The following DOCK2 variants were observed in gnomAD, a reference collection of about 807,000 sequenced individuals.
The protein encoded by DOCK2 is dedicator of cytokinesis 2, also known as dedicator of cytokinesis protein 2.
DOCK2 carries 87 observed loss-of-function variants against 248.9 expected under a neutral mutation model. That is an observed-to-expected ratio of 0.35 (90% CI 0.29 to 0.42). The LOEUF is 0.42. Among genes scored for constraint, DOCK2 ranks in the 10% least tolerant of loss-of-function variants. DOCK2 has a pLI of 1.00. For synonymous variants in DOCK2, 805 were observed against 821.6 expected (o/e 0.98, Z 0.35); for missense variants, 1,747 against 2,300.2 (o/e 0.76, Z 4.92).
At chr5:169,797,894 G>A (rs1766750004) in intron 25 of DOCK2, among the ~76,000 whole-genome samples, 1 of 152,190 alleles carries the variant, frequency 6.6e-6, no homozygotes, top group South Asian at 2.1e-4. Context: ...AATTACAAAT[G>A]AGAAAAATTA....
intron 36 of DOCK2, among the ~76,000 whole-genome samples, chr5:170,036,851 A>G (rs997783010): frequency 6.6e-6 from 1 of 152,206 alleles, no homozygotes; most frequent in Admixed American, 6.5e-5. Flanking sequence ...GTGCATTTGC[A>G]TTGTTGCGGG....
At chr5:169,713,746 G>A (rs1319837792) in intron 17 of DOCK2, among the ~76,000 whole-genome samples, 1 of 152,184 alleles carries the variant, frequency 6.6e-6, no homozygotes, top group Non-Finnish European at 1.5e-5. Flanking sequence ...AAAATGTACT[G>A]TCTGGGAATT....
rs76088823 is a variant in DOCK2, at chr5:169,766,103, C to T, written c.2554+4478C>T. 5.1e-3 allele frequency among the ~76,000 whole-genome samples: 775 copies of T among 152,208 alleles called. 10 individuals are homozygous for T. Among genetic ancestry groups the T allele is most frequent in the African/African-American group, 0.018 (754 of 41,508 alleles). On this transcript the variant is annotated intron_variant, in intron 25 of 51. Transcript: ENST00000520908. ...ACTTTTATTTCAGGTTCATGAGGAACATGTGCAGGTTTGTTACATGAATTG... is the reference window on the plus strand; with the variant it reads ...ACTTTTATTTCAGGTTCATGAGGAATATGTGCAGGTTTGTTACATGAATTG...
chr5:169,637,301 G>A lies in DOCK2; in HGVS notation c.-26G>A, dbSNP rs1217923496. ...GCCACCCCCTGACGGCTTCCCCACG[G>A]GAGGACGCGAGGCCCCGGCCCAGCC... On this transcript the variant is annotated 5_prime_UTR_variant, in exon 1 of 52. Coordinates refer to ENST00000520908, the MANE Select transcript of DOCK2 (RefSeq NM_004946.3). 7.0e-7 allele frequency: 1 copy of A among 1,431,556 alleles called. No homozygotes were observed. Among genetic ancestry groups the A allele is most frequent in the Admixed American group, 2.9e-5 (1 of 34,804 alleles). 88.7% of individuals were successfully genotyped at this position (1,431,556 alleles called of 1,614,324 possible). A position where few individuals can be genotyped will look rare whatever the true frequency, so the allele number is the denominator to read the frequency against.
At chr5:169,978,400 G>GA (rs1777806871) in intron 27 of DOCK2, among the ~76,000 whole-genome samples, 1 of 139,772 alleles carries the variant, frequency 7.2e-6, no homozygotes, top group Non-Finnish European at 1.6e-5. Context: ...TGTGGGGGGG[G>GA]GGGGGTGTAG....
chr5:169,733,616 G>A (rs1762894878), intron 22 of DOCK2, among the ~76,000 whole-genome samples: 1 of 151,874 alleles, frequency 6.6e-6, no homozygotes, highest in Admixed American at 6.6e-5. Flanking sequence ...TAATCTTGTA[G>A]ACTTAACTTT....
chr5:170,047,570 T>G lies in DOCK2; in HGVS notation c.4027T>G (p.Phe1343Val), dbSNP rs756702952. 6 of 1,613,910 alleles carry G rather than the reference T, an allele frequency of 3.7e-6. No individual in the cohort carries two copies. Among genetic ancestry groups the G allele is most frequent in the Non-Finnish European group, 4.2e-6 (5 of 1,179,880 alleles). Residue 1343 changes from phenylalanine to valine, a missense_variant, in exon 40 of 52, where the codon TTT becomes GTT. Phe to Val is a conservative substitution (Grantham distance 50). Coordinates refer to ENST00000520908, the MANE Select transcript of DOCK2 (RefSeq NM_004946.3). ...AATCCTCAGGCCCAAACCAGACTAC[T>G]TTGCTGTTGGATACTACGGCCAGGG... is the stretch of plus-strand genomic sequence containing the variant. ...MKILRPKPDY[F>V]AVGYYGQGFP...
At chr5:169,810,647 A>G (rs1430968764) in intron 26 of DOCK2, among the ~76,000 whole-genome samples, 2 of 152,166 alleles carry the variant, frequency 1.3e-5, no homozygotes, top group Admixed American at 1.3e-4. Flanking sequence ...TCAAATGACC[A>G]TGCCCTTTCC....
chr5:169,769,304 C>A (rs17071684), intron 25 of DOCK2, among the ~76,000 whole-genome samples: 3,507 of 152,238 alleles, frequency 0.023, 147 homozygotes, highest in African/African-American at 0.08. Flanking sequence ...AAATGACTCC[C>A]TTTGGGACTT....
At chr5:170,078,310 C>G (rs1029529633) in intron 48 of DOCK2, among the ~76,000 whole-genome samples, 5 of 152,204 alleles carry the variant, frequency 3.3e-5, no homozygotes, top group Non-Finnish European at 5.9e-5. Context: ...CTTCCTGGAG[C>G]CCTCTGGCCA....
chr5:169,959,168 G>A (rs1216983972), intron 27 of DOCK2, among the ~76,000 whole-genome samples: 8 of 152,010 alleles, frequency 5.3e-5, no homozygotes, highest in African/African-American at 1.7e-4. Context: ...CGAGGGGGGC[G>A]GATCATGAGG....
intron 22 of DOCK2, among the ~76,000 whole-genome samples, chr5:169,728,045 G>A (rs945319693): frequency 2.0e-5 from 3 of 152,158 alleles, no homozygotes; most frequent in African/African-American, 7.2e-5. Context: ...AGGAGAGGAA[G>A]AAGATAAAGG....
intron 30 of DOCK2, among the ~76,000 whole-genome samples, chr5:170,006,875 G>A (rs928396543): frequency 1.3e-5 from 2 of 152,126 alleles, no homozygotes; most frequent in East Asian, 1.9e-4. Context: ...GAAGGTCTGC[G>A]TGCAGATCTT....
At chr5:169,659,211 T>C (rs867839326) in intron 2 of DOCK2, among the ~76,000 whole-genome samples, 40 of 152,130 alleles carry the variant, frequency 2.6e-4, no homozygotes, top group African/African-American at 8.9e-4. Flanking sequence ...GAGCACTGGC[T>C]TTTGAATTAG....
rs73312346 is a variant in DOCK2, at chr5:170,008,460, C to T, written c.3073-37C>T. On this transcript the variant is annotated intron_variant, in intron 30 of 51. Transcript: ENST00000520908. ...AGCGCTTATGCCTTCCCGCTTCAGA[C>T]CCTCTCCATAACTGTTCTCTGCTCT... 1,667 of 1,609,164 alleles carry T rather than the reference C, an allele frequency of 1.0e-3. 18 individuals are homozygous for T. The African/African-American group carries it at 0.02, about 19-fold the overall frequency.
chr5:169,671,863 C>T (rs974836815), intron 5 of DOCK2, among the ~76,000 whole-genome samples: 1 of 152,150 alleles, frequency 6.6e-6, no homozygotes, highest in Non-Finnish European at 1.5e-5. Context: ...CCCATGTGGA[C>T]ATTTCATAAT....
At chr5:169,861,938 CT>C (rs60375082) in intron 27 of DOCK2, among the ~76,000 whole-genome samples, 13 of 147,244 alleles carry the variant, frequency 8.8e-5, no homozygotes, top group African/African-American at 1.5e-4. Flanking sequence ...CTTTTCTTTT[CT>C]TTTTTTTTTG....
intron 30 of DOCK2, among the ~76,000 whole-genome samples, chr5:170,003,329 A>G (rs1054177536): frequency 6.6e-6 from 1 of 152,252 alleles, no homozygotes; most frequent in Non-Finnish European, 1.5e-5. Flanking sequence ...CTAATAAGCA[A>G]TAGAACTGGT....
At chr5:169,971,003 G>T (rs772207357) in intron 27 of DOCK2, among the ~76,000 whole-genome samples, 2 of 152,098 alleles carry the variant, frequency 1.3e-5, no homozygotes, top group Non-Finnish European at 2.9e-5. Flanking sequence ...AGCGGGGGGA[G>T]GACCTGCGTT....
Sources: allele counts gnomAD v4.1 joint callset (sites outside exome capture counted in the v4.1 genomes callset), GRCh38; gene constraint gnomAD v4.1.1; transcripts MANE v1.5; gene names NCBI Gene and HGNC (gene_info 2026-07-23, HGNC 2026-07-21).